Variants in SGCB observed in about 807,000 individuals in gnomAD.
SGCB encodes the protein beta-sarcoglycan.
Under a neutral mutation model 27.3 loss-of-function variants are expected in SGCB, and 25 were observed. That is an observed-to-expected ratio of 0.92 (90% CI 0.67 to 1.28). SGCB has a LOEUF of 1.28. Among genes scored for constraint, SGCB ranks in the 50% most tolerant of loss-of-function variants. The probability of loss-of-function intolerance (pLI) is 0.00; values close to 1 mark genes in which losing one functional copy is unlikely to be tolerated. For synonymous variants in SGCB, 147 were observed against 133.5 expected (o/e 1.10, Z -0.70); for missense variants, 436 against 402.1 (o/e 1.08, Z -0.72).
Position 52,021,861 on chromosome 4 carries a change from A to G in SGCB, c.*2096T>C, listed in dbSNP as rs184651316. 20 of 152,284 alleles carry G rather than the reference A, an allele frequency of 1.3e-4. No individual in the cohort carries two copies. The highest frequency in any genetic ancestry group is 1.1e-3 in the Admixed American group (17 of 15,296). 9.4% of individuals were successfully genotyped at this position (152,284 alleles called of 1,614,324 possible). A position where few individuals can be genotyped will look rare whatever the true frequency, so the allele number is the denominator to read the frequency against. On this transcript the variant is annotated 3_prime_UTR_variant, in exon 6 of 6. Coordinates refer to ENST00000381431, the MANE Select transcript of SGCB (RefSeq NM_000232.5). ...CAAAATAGCCTCTCCTCTCAAAAGA[A>G]CTTCATGGAGATGTATCAAAAACAC...
Position 52,031,883 on chromosome 4 carries a change from A to G in SGCB, c.243+1548T>C, listed in dbSNP as rs1334895197. ...TTTTCACCGGGACTTGCCAAATGAC[A>G]GTATCTTCAGATCTTTTTTCTATAT... On this transcript the variant is annotated intron_variant, in intron 2 of 5. Transcript: ENST00000381431. 6.6e-6 allele frequency: 3 copies of G among 455,880 alleles called. No homozygotes were observed. The highest frequency in any genetic ancestry group is 2.0e-5 in the African/African-American group (1 of 50,060). The allele number at this position is 455,880 out of a possible 1,614,324, so 28.2% of individuals were successfully genotyped here.
At chr4:52,035,847 T>C (rs1364094367) in intron 1 of SGCB, among the ~76,000 whole-genome samples, 2 of 152,224 alleles carry the variant, frequency 1.3e-5, no homozygotes, top group African/African-American at 4.8e-5. Flanking sequence ...AGTTTGAATA[T>C]AGGTCCACAT....
In SGCB at chr4:52,022,584, A is replaced by G. The variant is rs751764844; in HGVS notation, c.*1373T>C. On this transcript the variant is annotated 3_prime_UTR_variant, in exon 6 of 6. Coordinates refer to ENST00000381431, the MANE Select transcript of SGCB (RefSeq NM_000232.5). ...GAGATAAATTATTATCCTTACCTAA[A>G]AATTATGTGTATTATTTCCTGCATT... is the stretch of plus-strand genomic sequence containing the variant. 1 of 152,226 alleles carries G rather than the reference A, an allele frequency of 6.6e-6. No individual in the cohort carries two copies. Among genetic ancestry groups the G allele is most frequent in the Admixed American group, 6.5e-5 (1 of 15,288 alleles). The allele number at this position is 152,226 out of a possible 1,614,324, so 9.4% of individuals were successfully genotyped here.
chr4:52,034,528 G>A (rs1368998245), intron 1 of SGCB, among the ~76,000 whole-genome samples: 1 of 151,850 alleles, frequency 6.6e-6, no homozygotes, highest in Non-Finnish European at 1.5e-5. Flanking sequence ...AGGAGGATGT[G>A]CAGAGGTTAC....
In SGCB at chr4:52,029,688, T is replaced by C. The variant is rs775409967; in HGVS notation, c.419A>G (p.Asn140Ser). 7.5e-5 allele frequency: 121 copies of C among 1,612,262 alleles called. No individual in the cohort carries two copies. Among genetic ancestry groups the C allele is most frequent in the Non-Finnish European group, 1.0e-4 (119 of 1,178,440 alleles). The change falls in exon 3 of 6, where the codon AAC becomes AGC. Residue 140 changes from asparagine to serine, a missense_variant. By Grantham distance (46) the Asn-to-Ser change is conservative. Coordinates refer to ENST00000381431, the MANE Select transcript of SGCB (RefSeq NM_000232.5). The stretch of plus-strand genomic sequence containing the variant: ...AATGTGGCAACTTACAGGCTGGTTG[T>C]TGCCAGTGATGACCAAATTTTCATT... ...RRNENLVITG[N>S]NQPIVFQQGT... is the part of the protein sequence containing the mutation.
rs1578122222 is a variant in SGCB, at chr4:52,022,035, G to T, written c.*1922C>A. The T allele has an allele frequency of 6.6e-6, 1 of 152,272 alleles. No individual in the cohort carries two copies. The highest frequency in any genetic ancestry group is 1.9e-4 in the East Asian group (1 of 5,184). 9.4% of individuals were successfully genotyped at this position (152,272 alleles called of 1,614,324 possible). On this transcript the variant is annotated 3_prime_UTR_variant, in exon 6 of 6. Transcript: ENST00000381431. ...AATCTAAATAGAGCAGATAAGTAAT[G>T]AATATGCAATTTAATTTATGGACCA...
At chr4:52,029,219 G>A (rs1737185984) in intron 3 of SGCB, among the ~76,000 whole-genome samples, 1 of 152,170 alleles carries the variant, frequency 6.6e-6, no homozygotes, top group Non-Finnish European at 1.5e-5. Flanking sequence ...ACCTCCTTGA[G>A]GTTTTATTCA....
At chr4:52,024,473 G>T (rs1378623355) in intron 5 of SGCB, among the ~76,000 whole-genome samples, 2 of 152,026 alleles carry the variant, frequency 1.3e-5, no homozygotes, top group African/African-American at 4.8e-5. Context: ...ATTTTCATTT[G>T]TAAGTCCTAA....
chr4:52,022,193 C>T lies in SGCB; in HGVS notation c.*1764G>A, dbSNP rs959230591. On this transcript the variant is annotated 3_prime_UTR_variant, in exon 6 of 6. Transcript: ENST00000381431. The stretch of plus-strand genomic sequence containing the variant: ...TCTCATTCTTTTCATTTAAAAACAG[C>T]GCTCAGTGTTAGGTAGTAAGTCAAT... 11 of 152,240 alleles carry T rather than the reference C, an allele frequency of 7.2e-5. No individual in the cohort carries two copies. In the South Asian group the frequency reaches 1.0e-3, roughly 14 times the overall value. The allele number at this position is 152,240 out of a possible 1,614,324, so 9.4% of individuals were successfully genotyped here.
intron 2 of SGCB, among the ~76,000 whole-genome samples, chr4:52,033,183 G>C (rs1737296480): frequency 6.6e-6 from 1 of 152,098 alleles, no homozygotes; most frequent in African/African-American, 2.4e-5. Context: ...AGCTAGGTGG[G>C]AGCCTCATAA....
At chr4:52,025,882 T>C (rs1485217367) in intron 5 of SGCB, among the ~76,000 whole-genome samples, 1 of 152,212 alleles carries the variant, frequency 6.6e-6, no homozygotes, top group African/African-American at 2.4e-5. Flanking sequence ...GGGTGTCATT[T>C]AATGGTACAA....
At chr4:52,036,109 C>T (rs1338654491) in intron 1 of SGCB, among the ~76,000 whole-genome samples, 2 of 152,186 alleles carry the variant, frequency 1.3e-5, no homozygotes, top group African/African-American at 4.8e-5. Context: ...TGGAGCAATG[C>T]ATACAATACA....
chr4:52,029,601 A>G, intron 3 of SGCB, 77 bp downstream of exon 3: 1 of 881,676 alleles, frequency 1.1e-6, no homozygotes, highest in South Asian at 1.3e-5. Context: ...TCCAATAATC[A>G]ACTAGGTTTT....
At chr4:52,028,676 T>C in intron 4 of SGCB, 54 bp downstream of exon 4, 1 of 1,312,784 alleles carries the variant, frequency 7.6e-7, no homozygotes, top group Admixed American at 1.7e-5. Flanking sequence ...TCCCACTTTA[T>C]AACTCTAGAG....
At chr4:52,024,952 T>A (rs538674059) in intron 5 of SGCB, among the ~76,000 whole-genome samples, 55 of 151,976 alleles carry the variant, frequency 3.6e-4, no homozygotes, top group African/African-American at 1.3e-3. Flanking sequence ...CCAGGCACTC[T>A]AGTCTGGAGG....
rs1736954006 is a variant in SGCB at position 52,021,637 on chromosome 4, C to G, written c.*2320G>C. 6.6e-6 allele frequency: 1 copy of G among 152,220 alleles called. No individual in the cohort carries two copies. The highest frequency in any genetic ancestry group is 1.5e-5 in the Non-Finnish European group (1 of 68,104). 9.4% of individuals were successfully genotyped at this position (152,220 alleles called of 1,614,324 possible). A position where few individuals can be genotyped will look rare whatever the true frequency, so the allele number is the denominator to read the frequency against. On this transcript the variant is annotated 3_prime_UTR_variant, in exon 6 of 6. Coordinates refer to ENST00000381431, the MANE Select transcript of SGCB (RefSeq NM_000232.5). Reference sequence around the variant, plus strand: ...CGAGATTGTGCCACTGCACTCCAGCCTGGCGACAGAACAAGACTCTGTCTC... The same window carrying G: ...CGAGATTGTGCCACTGCACTCCAGCGTGGCGACAGAACAAGACTCTGTCTC...
rs1736932271 is a variant in SGCB, at chr4:52,020,891, C to CT, written c.*3065dup. 6.6e-6 allele frequency: 1 copy of CT among 152,478 alleles called. No individual in the cohort carries two copies. The highest frequency in any genetic ancestry group is 6.6e-5 in the Admixed American group (1 of 15,260). 9.4% of individuals were successfully genotyped at this position (152,478 alleles called of 1,614,324 possible). On this transcript the variant is annotated 3_prime_UTR_variant, in exon 6 of 6. Coordinates refer to ENST00000381431, the MANE Select transcript of SGCB (RefSeq NM_000232.5). The stretch of plus-strand genomic sequence containing the variant: ...AAAATTTTCAGCATTTCAATGATCT[C>CT]TTATTTGTCAGGTTTAGCACCATGA...
At chr4:52,026,493 GTGA>G (rs1436216244) in intron 5 of SGCB, among the ~76,000 whole-genome samples, 10 of 151,950 alleles carry the variant, frequency 6.6e-5, no homozygotes, top group Non-Finnish European at 2.9e-5. Context: ...TCCTGACCTT[GTGA>G]TCCACCCGCC....
chr4:52,034,929 T>C (rs377401217), intron 1 of SGCB, among the ~76,000 whole-genome samples: 13 of 152,358 alleles, frequency 8.5e-5, no homozygotes, highest in African/African-American at 3.1e-4. Context: ...CCCTGTACTT[T>C]AAAAATTTCT....
Sources: gnomAD v4.1 joint callset for allele counts (sites outside exome capture counted in the v4.1 genomes callset) on GRCh38, gnomAD v4.1.1 for gene constraint, MANE v1.5 for transcripts, NCBI Gene and HGNC (gene_info 2026-07-23, HGNC 2026-07-21) for gene names.